The following EME2 variants were observed in gnomAD, a reference collection of about 807,000 sequenced individuals.
EME2 encodes the protein essential meiotic structure-specific endonuclease subunit 2.
EME2 carries 58 observed loss-of-function variants against 41.9 expected under a neutral mutation model. The ratio of observed to expected loss-of-function variants is 1.38; its 90% CI spans 1.12 to 1.72. EME2 has a LOEUF of 1.72. Ranked by LOEUF, EME2 falls within the 40% of genes most tolerant of loss-of-function variation. The probability of loss-of-function intolerance (pLI) is 0.00; values close to 1 mark genes in which losing one functional copy is unlikely to be tolerated. For missense variants in EME2, 695 were observed against 541.9 expected (o/e 1.28, Z -2.81); for synonymous variants, 334 against 239.3 (o/e 1.40, Z -3.65).
At position 1,775,835 on chromosome 16, in the gene EME2, C is replaced by T. The variant is rs2042703301; in HGVS notation, c.818C>T (p.Ala273Val). The part of the protein sequence containing the change: ...RESQAFSFCT[A>V]GRWAAGEPVA... ...TCCCAGGCCTTCTCCTTCTGCACAGCAGGGCGCTGGGCAGCCGGCGAGCCA... is the reference window on the plus strand; with the variant it reads ...TCCCAGGCCTTCTCCTTCTGCACAGTAGGGCGCTGGGCAGCCGGCGAGCCA... The change falls in exon 7 of 8, where the codon GCA (alanine) becomes GTA (valine). Residue 273 changes from alanine (A) to valine (V), a missense_variant. Coordinates refer to ENST00000568449, the MANE Select transcript of EME2 (RefSeq NM_001257370.2). The T allele has an allele frequency of 1.2e-6, 2 of 1,612,430 alleles. No individual in the cohort carries two copies. The highest frequency in any genetic ancestry group is 2.2e-5 in the East Asian group (1 of 44,884).
At position 1,780,810 on chromosome 16, in the gene EME2, G is replaced by A; in HGVS notation, c.*4572G>A. ...CGCACTGGTGTGATCACGGCTCACT[G>A]CAGCCTTGACCTCCCTGGCTCAAGC... On this transcript the variant is annotated 3_prime_UTR_variant, in exon 8 of 8. Transcript: ENST00000568449. 3.7e-6 allele frequency: 1 copy of A among 268,504 alleles called. No individual in the cohort carries two copies. The highest frequency in any genetic ancestry group is 5.0e-5 in the Admixed American group (1 of 20,134). 16.6% of individuals were successfully genotyped at this position (268,504 alleles called of 1,614,324 possible).
Sources: gnomAD v4.1 joint callset for allele counts on GRCh38, gnomAD v4.1.1 for gene constraint, MANE v1.5 for transcripts, NCBI Gene and HGNC (gene_info 2026-07-23, HGNC 2026-07-21) for gene names.